RBFOX1: variants seen among roughly 807,000 people sequenced by gnomAD.
RBFOX1 encodes RNA binding protein fox-1 homolog 1.
RBFOX1 carries 8 observed loss-of-function variants against 57.7 expected under a neutral mutation model. That is an observed-to-expected ratio of 0.14 (90% CI 0.08 to 0.25). RBFOX1 has a LOEUF of 0.25. Ranked by LOEUF, RBFOX1 falls within the 10% of genes least tolerant of loss-of-function variation. RBFOX1 has a pLI of 1.00. For missense variants in RBFOX1, 611 were observed against 548.5 expected, an observed-to-expected ratio of 1.11 and a Z score of -1.14; for synonymous variants, 326 against 222.4, an observed-to-expected ratio of 1.47 and a Z score of -4.15.
chr16:6,280,304 C>A (rs1407967191), intron 1 of RBFOX1, among the ~76,000 whole-genome samples: 1 of 152,142 alleles, frequency 6.6e-6, no homozygotes, highest in Non-Finnish European at 1.5e-5. Context: ...CTCACAACTT[C>A]TGGGGCTGCC....
chr16:6,144,700 G>A (rs1262743071), intron 1 of RBFOX1, among the ~76,000 whole-genome samples: 1 of 152,170 alleles, frequency 6.6e-6, no homozygotes, highest in Admixed American at 6.5e-5. Context: ...TCATGAGCAG[G>A]GGCCAGATAG....
chr16:6,569,034 C>T (rs998853652), intron 2 of RBFOX1, among the ~76,000 whole-genome samples: 1 of 152,228 alleles, frequency 6.6e-6, no homozygotes, highest in South Asian at 2.1e-4. Context: ...CAGCCTCCCA[C>T]AATACTGGGA....
chr16:6,647,186 A>G (rs12930565), intron 2 of RBFOX1, among the ~76,000 whole-genome samples: 31,420 of 152,080 alleles, frequency 0.21, 3,289 homozygotes, highest in African/African-American at 0.22. Context: ...AGAGAGAGAG[A>G]GAGAGAAAAT....
chr16:5,613,625 C>A (rs1187692202), intron 3 of RBFOX1, among the ~76,000 whole-genome samples: 1 of 152,144 alleles, frequency 6.6e-6, no homozygotes, highest in Non-Finnish European at 1.5e-5. Flanking sequence ...TTCAGACCAT[C>A]ATTTCATGGG....
At chr16:5,444,295 A>G (rs2151547132) in intron 1 of RBFOX1, among the ~76,000 whole-genome samples, 1 of 152,320 alleles carries the variant, frequency 6.6e-6, no homozygotes, top group South Asian at 2.1e-4. Flanking sequence ...CCTCATTGCA[A>G]CATTTATATT....
intron 1 of RBFOX1, among the ~76,000 whole-genome samples, chr16:6,232,809 G>C (rs1242429713): frequency 6.6e-6 from 1 of 152,160 alleles, no homozygotes; most frequent in Admixed American, 6.5e-5. Flanking sequence ...CTGGTGATGA[G>C]AATTGCTGGT....
At chr16:6,015,561 G>T (rs955975518), upstream of RBFOX1, among the ~76,000 whole-genome samples, 3 of 152,096 alleles carry the variant, frequency 2.0e-5, no homozygotes, top group Non-Finnish European at 4.4e-5. Flanking sequence ...TACTCTCTTG[G>T]CTCTTTCACC....
chr16:5,480,894 C>T (rs952876779), intron 2 of RBFOX1, among the ~76,000 whole-genome samples: 3 of 152,146 alleles, frequency 2.0e-5, no homozygotes, highest in Non-Finnish European at 2.9e-5. Flanking sequence ...TTCACTGAAA[C>T]GTTATTGCCA....
intron 3 of RBFOX1, among the ~76,000 whole-genome samples, chr16:6,802,744 A>G (rs12444718): frequency 0.3 from 45,437 of 152,148 alleles, 7,013 homozygotes; most frequent in Non-Finnish European, 0.32. Flanking sequence ...GGCAAAAGCC[A>G]TTCCCCCACG....
chr16:7,105,715 TGGAG>T (rs2063463728), intron 4 of RBFOX1, among the ~76,000 whole-genome samples: 6 of 152,190 alleles, frequency 3.9e-5, no homozygotes, highest in Admixed American at 3.9e-4. Context: ...TATCTATATA[TGGAG>T]ATATATAGGT....
intron 4 of RBFOX1, among the ~76,000 whole-genome samples, chr16:7,437,363 C>G (rs1414679871): frequency 4.0e-5 from 6 of 151,694 alleles, no homozygotes; most frequent in Admixed American, 2.6e-4. Flanking sequence ...GAAAATGACT[C>G]CTACTTCCAT....
At position 5,497,622 on chromosome 16, in the gene RBFOX1, C is replaced by CAAAAAAAA. The variant is rs911723996; in HGVS notation, c.258+30377_258+30384dup. 4.9e-4 allele frequency among the ~76,000 whole-genome samples: 26 copies of CAAAAAAAA among 53,400 alleles called. 1 individual carries two copies. The highest frequency in any genetic ancestry group is 2.7e-3 in the African/African-American group (24 of 9,006). The allele number at this position is 53,400 out of a possible 152,430, so 35.0% of individuals were successfully genotyped here. On this transcript the variant is annotated intron_variant, in intron 2 of 2. Transcript: ENST00000585867. ...TGAAACCCTATCTCTACTAAAAATA[C>CAAAAAAAA]AAAAAAAAAAAAAAAAGCTGGGCAT...
intron 2 of RBFOX1, among the ~76,000 whole-genome samples, chr16:5,505,376 CAG>C (rs2043345151): frequency 6.6e-6 from 1 of 152,154 alleles, no homozygotes; most frequent in Non-Finnish European, 1.5e-5. Flanking sequence ...CCTAGAATCC[CAG>C]AGTTTGTTCT....
chr16:7,079,885 G>A (rs147228154), intron 4 of RBFOX1, among the ~76,000 whole-genome samples: 2 of 151,874 alleles, frequency 1.3e-5, no homozygotes, highest in African/African-American at 4.8e-5. Context: ...TTCCAGTTTT[G>A]CAAGATAAGA....
intron 1 of RBFOX1, among the ~76,000 whole-genome samples, chr16:6,159,391 T>C (rs903363516): frequency 6.6e-5 from 10 of 152,142 alleles, no homozygotes; most frequent in Admixed American, 3.3e-4. Context: ...TCATAGGTTT[T>C]TGGGGGGAGA....
At chr16:7,544,923 T>C (rs974327301) in intron 5 of RBFOX1, among the ~76,000 whole-genome samples, 3 of 152,202 alleles carry the variant, frequency 2.0e-5, no homozygotes, top group African/African-American at 7.2e-5. Flanking sequence ...TCCCCGTATC[T>C]GTGATGCTTC....
intron 4 of RBFOX1, among the ~76,000 whole-genome samples, chr16:7,294,777 G>T (rs2095858658): frequency 9.8e-6 from 1 of 101,928 alleles, no homozygotes; most frequent in Non-Finnish European, 2.3e-5. Flanking sequence ...TGATGAATAT[G>T]ATGATGATGA....
chr16:7,072,755 C>A (rs2153781139), intron 4 of RBFOX1, among the ~76,000 whole-genome samples: 1 of 152,330 alleles, frequency 6.6e-6, no homozygotes, highest in South Asian at 2.1e-4. Context: ...GGGTACAAAG[C>A]AGCACAGAGC....
chr16:5,587,450 C>T (rs775491447), intron 2 of RBFOX1, among the ~76,000 whole-genome samples: 20 of 152,196 alleles, frequency 1.3e-4, no homozygotes, highest in African/African-American at 3.1e-4. Flanking sequence ...CGGTCGCTCA[C>T]GCCTGTCATC....
Sources: allele counts gnomAD v4.1 joint callset (sites outside exome capture counted in the v4.1 genomes callset), GRCh38; gene constraint gnomAD v4.1.1; transcripts MANE v1.5; gene names NCBI Gene and HGNC (gene_info 2026-07-23, HGNC 2026-07-21).